URB1: variants seen among roughly 807,000 people sequenced by gnomAD.
The protein encoded by URB1 is nucleolar pre-ribosomal-associated protein 1.
A neutral mutation model predicts 242.3 loss-of-function variants in URB1; 197 were observed. The ratio of observed to expected loss-of-function variants is 0.81; its 90% confidence interval spans 0.72 to 0.91. The LOEUF (loss-of-function observed/expected upper bound fraction) is 0.91, where lower values mean the gene tolerates loss of function less well. URB1 is among the 40% of genes least tolerant of loss of function. The pLI is 0.00. For synonymous variants in URB1, 1,153 were observed against 1,201.8 expected (o/e 0.96, Z 0.84); for missense variants, 2,721 against 2,860.5 (o/e 0.95, Z 1.11).
chr21:32,363,453 G>A, intron 10 of URB1, 124 bp from the exon 11 acceptor site: 1 of 1,223,472 alleles, frequency 8.2e-7, no homozygotes, highest in East Asian at 2.6e-5. Flanking sequence ...GAAACTGCTG[G>A]TCTCTACGCT....
intron 19 of URB1, among the ~76,000 whole-genome samples, chr21:32,351,710 T>G (rs934093172): frequency 6.6e-6 from 1 of 152,188 alleles, no homozygotes; most frequent in Non-Finnish European, 1.5e-5. Flanking sequence ...CTGCTAAGTC[T>G]TATTCCACAG....
chr21:32,318,603 C>CA (rs1264631438), intron 36 of URB1, among the ~76,000 whole-genome samples: 1 of 152,174 alleles, frequency 6.6e-6, no homozygotes, highest in African/African-American at 2.4e-5. Flanking sequence ...CTCTTGCTAC[C>CA]AACCTTCTGG....
intron 20 of URB1, 147 bp from the exon 21 acceptor site, chr21:32,349,630 T>A (rs1053283211): frequency 2.8e-6 from 2 of 717,776 alleles, no homozygotes; most frequent in African/African-American, 3.6e-5. Context: ...GAGACACCCA[T>A]CAATGCAATG....
intron 22 of URB1, among the ~76,000 whole-genome samples, 199 bp from the exon 23 acceptor site, chr21:32,345,774 C>T (rs1340153389): frequency 1.3e-5 from 2 of 152,148 alleles, no homozygotes; most frequent in Non-Finnish European, 2.9e-5. Flanking sequence ...AGGGTCCTCC[C>T]CTATCTCATC....
In URB1 at chr21:32,366,811, G is replaced by A. The variant is rs192406216; in HGVS notation, c.1198-56C>T. ...TGCTAGAAGTAAGTTTCAAACCTGA[G>A]ACTAGCTGTAGGCACCCAAAGGTGA... On this transcript the variant is annotated intron_variant, in intron 9 of 38. Transcript: ENST00000382751. 14 of 1,531,608 alleles carry A rather than the reference G, an allele frequency of 9.1e-6. No homozygotes were observed. The East Asian group carries it at 3.2e-4, about 35-fold the overall frequency. 94.9% of individuals were successfully genotyped at this position (1,531,608 alleles called of 1,614,324 possible). A position where few individuals can be genotyped will look rare whatever the true frequency, so the allele number is the denominator to read the frequency against.
chr21:32,387,522 G>T (rs968903553), intron 1 of URB1, among the ~76,000 whole-genome samples: 1 of 149,622 alleles, frequency 6.7e-6, no homozygotes, highest in Non-Finnish European at 1.5e-5. Flanking sequence ...GTTGGAAGCC[G>T]CATGAGAGCG....
Position 32,320,648 on chromosome 21 carries a change from C to T in URB1, c.5485-8G>A. 6.5e-7 allele frequency: 1 copy of T among 1,542,728 alleles called. No individual in the cohort carries two copies. The highest frequency in any genetic ancestry group is 8.8e-7 in the Non-Finnish European group (1 of 1,139,768). ...AATTTCCAGAATCCAATTCTGAAAA[C>T]CCCAAACAAGAAGTTACTCTTCAGT... On this transcript the variant is annotated splice_polypyrimidine_tract_variant and splice_region_variant and intron_variant, in intron 34 of 38. Transcript: ENST00000382751.
chr21:32,355,435 A>G lies in URB1; in HGVS notation c.2106+14T>C. 1 of 1,547,626 alleles carries G rather than the reference A, an allele frequency of 6.5e-7. No individual in the cohort carries two copies. Among genetic ancestry groups the G allele is most frequent in the Non-Finnish European group, 8.7e-7 (1 of 1,143,258 alleles). On this transcript the variant is annotated intron_variant, in intron 16 of 38. Coordinates refer to ENST00000382751, the MANE Select transcript of URB1 (RefSeq NM_014825.3). ...CTCTGAGCATGTTCCTTTATGTGGG[A>G]AATATGTGCTTACGCGTTCCAGAAA...
intron 10 of URB1, 83 bp from the exon 11 acceptor site, chr21:32,363,412 C>T: frequency 6.9e-7 from 1 of 1,451,442 alleles, no homozygotes; most frequent in Non-Finnish European, 9.2e-7. Flanking sequence ...GCATTTGCCC[C>T]TCCTCAGGTC....
At chr21:32,357,712 TAA>T in intron 14 of URB1, 56 bp from the exon 15 acceptor site, 1 of 1,217,062 alleles carries the variant, frequency 8.2e-7, no homozygotes, top group Non-Finnish European at 1.0e-6. Context: ...TATATAATTT[TAA>T]TATATAGTTA....
At position 32,368,475 on chromosome 21, in the gene URB1, G is replaced by T. The variant is rs2033370790; in HGVS notation, c.1125C>A (p.Phe375Leu). ...GGATAAAGGAAAACGTTACTTCCTT[G>T]AAGTATTTGTTCAGTAAGTCCGGGC... Reference protein sequence around the residue: ...KVCPDLLNKYFKEVTFSFIPR... With the variant: ...KVCPDLLNKYLKEVTFSFIPR... Residue 375 changes from phenylalanine (F) to leucine (L), a missense_variant, in exon 9 of 39, where the codon TTC (phenylalanine) becomes TTA (leucine). Phe to Leu is a conservative substitution (Grantham distance 22, BLOSUM62 0). Coordinates refer to ENST00000382751, the MANE Select transcript of URB1 (RefSeq NM_014825.3). The T allele has an allele frequency of 6.4e-7, 1 of 1,551,860 alleles. No homozygotes were observed. The highest frequency in any genetic ancestry group is 8.7e-7 in the Non-Finnish European group (1 of 1,147,036).
At position 32,314,844 on chromosome 21, in the gene URB1, C is replaced by T. The variant is rs1350279095; in HGVS notation, c.*74G>A. ...ATGCCTTCTCTGGAAACCCTTGACT[C>T]AACCAAACTTCTAGAAGCTGGTGCT... On this transcript the variant is annotated 3_prime_UTR_variant, in exon 39 of 39. Transcript: ENST00000382751. 1.6e-5 allele frequency: 24 copies of T among 1,513,668 alleles called. No individual in the cohort carries two copies. In the Admixed American group the frequency reaches 3.8e-4, roughly 24 times the overall value. The allele number at this position is 1,513,668 out of a possible 1,614,324, so 93.8% of individuals were successfully genotyped here. A position where few individuals can be genotyped will look rare whatever the true frequency, so the allele number is the denominator to read the frequency against.
intron 20 of URB1, among the ~76,000 whole-genome samples, chr21:32,350,444 G>A (rs2033144109): frequency 6.6e-6 from 1 of 152,212 alleles, no homozygotes; most frequent in African/African-American, 2.4e-5. Context: ...CGGCAGGGCT[G>A]CCAACCCATT....
At chr21:32,319,001 A>C (rs1322838423) in intron 36 of URB1, among the ~76,000 whole-genome samples, 24 of 152,180 alleles carry the variant, frequency 1.6e-4, no homozygotes, top group Admixed American at 1.6e-3. Context: ...TCTTGACAAG[A>C]AGCTTTATAA....
At chr21:32,335,589 T>A (rs1345136298) in intron 28 of URB1, 5 of 152,362 alleles carry the variant, frequency 3.3e-5, no homozygotes, top group African/African-American at 4.8e-5. Flanking sequence ...GGTTCGCTTC[T>A]GTGCAAGTCG....
chr21:32,357,314 T>TAAA (rs76266853), intron 15 of URB1, among the ~76,000 whole-genome samples: 2 of 79,302 alleles, frequency 2.5e-5, no homozygotes, highest in South Asian at 4.7e-4. Context: ...ATGACCTACC[T>TAAA]AAAAAAAAAA....
chr21:32,357,926 G>C (rs1261063949), intron 14 of URB1, among the ~76,000 whole-genome samples: 1 of 152,178 alleles, frequency 6.6e-6, no homozygotes. Flanking sequence ...CTACTTGGGA[G>C]GCTGAGGCAG....
At chr21:32,390,272 T>TAC (rs1206786367) in intron 1 of URB1, among the ~76,000 whole-genome samples, 1 of 152,194 alleles carries the variant, frequency 6.6e-6, no homozygotes, top group African/African-American at 2.4e-5. Flanking sequence ...ATATAGATAC[T>TAC]ACATCTTTTT....
chr21:32,321,679 C>T (rs1274922513), intron 34 of URB1, 122 bp downstream of exon 34: 2 of 1,401,384 alleles, frequency 1.4e-6, no homozygotes, highest in African/African-American at 2.9e-5. Flanking sequence ...TAACTGAGAG[C>T]CAGGGTTAGG....
Sources: allele counts gnomAD v4.1 joint callset (sites outside exome capture counted in the v4.1 genomes callset), GRCh38; gene constraint gnomAD v4.1.1; transcripts MANE v1.5; gene names NCBI Gene and HGNC (gene_info 2026-07-23, HGNC 2026-07-21).